C5orf22: variants seen among roughly 807,000 people sequenced by gnomAD.
C5orf22 encodes the protein chromosome 5 open reading frame 22, also known as UPF0489 protein C5orf22.
Under a neutral mutation model 48.7 loss-of-function variants are expected in C5orf22, and 36 were observed. The observed-to-expected ratio is 0.74, with a 90% CI of 0.57 to 0.98. The LOEUF is 0.98. C5orf22 is among the 50% of genes least tolerant of loss of function. The pLI is 0.00. For synonymous variants in C5orf22, 141 were observed against 180.8 expected (o/e 0.78, Z 1.76); for missense variants, 486 against 521.9 (o/e 0.93, Z 0.67).
At chr5:31,551,888 T>C (rs1267640409) in intron 8 of C5orf22, among the ~76,000 whole-genome samples, 1 of 152,210 alleles carries the variant, frequency 6.6e-6, no homozygotes. Flanking sequence ...AGGAAACTAA[T>C]ACAATCTCTG....
rs545760536 is a variant in C5orf22, at chr5:31,542,177, G to T, written c.992+775G>T. On this transcript the variant is annotated intron_variant, in intron 6 of 8. Coordinates refer to ENST00000325366, the MANE Select transcript of C5orf22 (RefSeq NM_018356.3). Reference sequence around the variant, plus strand: ...TTACAATGCAAAAATTTGGCTGGGCGTGGTGGCTCACGCCTGTAATCCCAG... The same window carrying T: ...TTACAATGCAAAAATTTGGCTGGGCTTGGTGGCTCACGCCTGTAATCCCAG... 2.0e-5 allele frequency among the ~76,000 whole-genome samples: 3 copies of T among 152,122 alleles called. No individual in the cohort carries two copies. The East Asian group carries it at 5.8e-4, about 29-fold the overall frequency.
At position 31,553,132 on chromosome 5, in the gene C5orf22, TTAAGTA is replaced by T. The variant is rs1290361843; in HGVS notation, c.*232_*237del. The T allele has an allele frequency of 5.9e-6, 2 of 336,674 alleles. No homozygotes were observed. Among genetic ancestry groups the T allele is most frequent in the Admixed American group, 8.9e-5 (2 of 22,496 alleles). 20.9% of individuals were successfully genotyped at this position (336,674 alleles called of 1,614,324 possible). A position where few individuals can be genotyped will look rare whatever the true frequency, so the allele number is the denominator to read the frequency against. On this transcript the variant is annotated 3_prime_UTR_variant, in exon 9 of 9. Transcript: ENST00000325366. Reference sequence around the variant, plus strand: ...TAGAACTGTTGCTTATCTGTCTTCCTTAAGTATTTTTTAGGGTTTTGTTTTTTTTTT... The same window carrying T: ...TAGAACTGTTGCTTATCTGTCTTCCTTTTTTTAGGGTTTTGTTTTTTTTTT...
At chr5:31,545,019 TCA>T (rs1742765396) in intron 6 of C5orf22, among the ~76,000 whole-genome samples, 2 of 151,178 alleles carry the variant, frequency 1.3e-5, no homozygotes, top group African/African-American at 4.9e-5. Flanking sequence ...CCTTTTTTCA[TCA>T]CAGTGTGCTA....
chr5:31,540,874 C>A, intron 4 of C5orf22, 75 bp from the exon 5 acceptor site: 1 of 1,070,776 alleles, frequency 9.3e-7, no homozygotes, highest in Non-Finnish European at 1.4e-6. Flanking sequence ...AAGGTTGTCT[C>A]TTCCTTAAAG....
At chr5:31,544,195 G>C (rs1198464598) in intron 6 of C5orf22, among the ~76,000 whole-genome samples, 1 of 152,130 alleles carries the variant, frequency 6.6e-6, no homozygotes, top group Non-Finnish European at 1.5e-5. Flanking sequence ...TTTACTCCCA[G>C]CAAATTCGTG....
chr5:31,552,362 G>A (rs1360507684), intron 8 of C5orf22, among the ~76,000 whole-genome samples: 3 of 152,022 alleles, frequency 2.0e-5, no homozygotes, highest in Non-Finnish European at 2.9e-5. Flanking sequence ...GGAAAACCTC[G>A]ACCCTCATCA....
chr5:31,550,769 T>G lies in C5orf22; in HGVS notation c.1060-524T>G, dbSNP rs140977823. Among the ~76,000 whole-genome samples the G allele has an allele frequency of 6.2e-3, 941 of 151,972 alleles. 9 individuals are homozygous for G. The highest frequency in any genetic ancestry group is 9.7e-3 in the Non-Finnish European group (662 of 67,920). On this transcript the variant is annotated intron_variant, in intron 7 of 8. Transcript: ENST00000325366. ...TAGAGACGGGGTTTCTCCATGTTGG[T>G]CAGGCTGGTCTCCAACTCCCGACCT...
In C5orf22 at chr5:31,554,590, G is replaced by T. The variant is rs139267435; in HGVS notation, c.*1688G>T. The T allele has an allele frequency of 6.6e-6, 1 of 152,124 alleles. No homozygotes were observed. Among genetic ancestry groups the T allele is most frequent in the African/African-American group, 2.4e-5 (1 of 41,420 alleles). The allele number at this position is 152,124 out of a possible 1,614,324, so 9.4% of individuals were successfully genotyped here. A position where few individuals can be genotyped will look rare whatever the true frequency, so the allele number is the denominator to read the frequency against. ...CTATTTTTAATTTTTAAAATTTTTG[G>T]TTAGAGCTTATAGACATTACTTTTA... On this transcript the variant is annotated 3_prime_UTR_variant, in exon 9 of 9. Coordinates refer to ENST00000325366, the MANE Select transcript of C5orf22 (RefSeq NM_018356.3).
chr5:31,539,889 A>T (rs552936543), intron 4 of C5orf22, among the ~76,000 whole-genome samples: 69 of 150,824 alleles, frequency 4.6e-4, no homozygotes, highest in Middle Eastern at 6.9e-3. Context: ...TTAAAAAAAA[A>T]TTTTTTTTTT....
chr5:31,540,322 A>T (rs1580444035), intron 4 of C5orf22, among the ~76,000 whole-genome samples: 1 of 152,164 alleles, frequency 6.6e-6, no homozygotes, highest in Non-Finnish European at 1.5e-5. Flanking sequence ...GGCCAGGTGT[A>T]CCCACCTATA....
chr5:31,549,256 A>AT (rs1421133681), intron 7 of C5orf22, among the ~76,000 whole-genome samples: 1 of 152,098 alleles, frequency 6.6e-6, no homozygotes, highest in Non-Finnish European at 1.5e-5. Context: ...AGATCTCCTG[A>AT]TACTCATTCG....
At position 31,535,772 on chromosome 5, in the gene C5orf22, C is replaced by A. The variant is rs1297894822; in HGVS notation, c.256C>A (p.Pro86Thr). The change falls in exon 3 of 9, where the codon CCT becomes ACT. Residue 86 changes from proline (P) to threonine (T), a missense_variant. Pro to Thr is a conservative substitution (Grantham distance 38). Coordinates refer to ENST00000325366, the MANE Select transcript of C5orf22 (RefSeq NM_018356.3). ...GELSIENWIM[P>T]AVYAGHFSHV... ...ATTAAGTATTGAAAATTGGATTATG[C>A]CTGCAGTTTATGCTGGCCATTTTTC... is the stretch of plus-strand genomic sequence containing the variant. 6.2e-7 allele frequency: 1 copy of A among 1,608,824 alleles called. No individual in the cohort carries two copies. The highest frequency in any genetic ancestry group is 8.5e-7 in the Non-Finnish European group (1 of 1,178,088).
intron 3 of C5orf22, among the ~76,000 whole-genome samples, chr5:31,537,373 A>T (rs1561320228): frequency 6.6e-6 from 1 of 152,228 alleles, no homozygotes; most frequent in Non-Finnish European, 1.5e-5. Context: ...GTTATTAAAA[A>T]GAATATTAAT....
Position 31,538,673 on chromosome 5 carries a change from A to G in C5orf22, c.791A>G (p.Lys264Arg), listed in dbSNP as rs762357420. 6.2e-7 allele frequency: 1 copy of G among 1,610,960 alleles called. No individual in the cohort carries two copies. Among genetic ancestry groups the G allele is most frequent in the South Asian group, 1.1e-5 (1 of 90,856 alleles). The change falls in exon 4 of 9, where the codon AAA (lysine) becomes AGA (arginine). Residue 264 changes from lysine (K) to arginine (R), a missense_variant. Lys to Arg is a conservative substitution (Grantham distance 26, BLOSUM62 2). Transcript: ENST00000325366. The stretch of plus-strand genomic sequence containing the variant: ...TTTTTTTCAGTCAAGAATCCCTTCA[A>G]AGAAATGTTCACTCAGGTAAATAAT... ...LDFFSVKNPF[K>R]EMFTQEEYKI...
intron 8 of C5orf22, 116 bp downstream of exon 8, chr5:31,551,548 G>T: frequency 1.3e-6 from 1 of 777,796 alleles, no homozygotes; most frequent in Non-Finnish European, 2.1e-6. Flanking sequence ...ATTAACTCAA[G>T]GATTTTGAGA....
chr5:31,542,277 A>C (rs980416670), intron 6 of C5orf22, among the ~76,000 whole-genome samples: 2 of 151,028 alleles, frequency 1.3e-5, no homozygotes, highest in African/African-American at 2.4e-5. Context: ...GGAGAAACCC[A>C]GTCTCTACTA....
intron 1 of C5orf22, 148 bp from the exon 2 acceptor site, chr5:31,534,124 A>C: frequency 2.9e-6 from 2 of 690,134 alleles, no homozygotes; most frequent in Non-Finnish European, 4.9e-6. Context: ...CACCATCTAC[A>C]GTAAACAAAT....
chr5:31,546,131 AAGAG>A (rs1012547146), intron 7 of C5orf22, among the ~76,000 whole-genome samples: 1 of 152,190 alleles, frequency 6.6e-6, no homozygotes, highest in Non-Finnish European at 1.5e-5. Context: ...ACAAAGAAAA[AAGAG>A]AGAGCTGTGA....
chr5:31,534,379 G>A lies in C5orf22; in HGVS notation c.189G>A (p.Met63Ile), dbSNP rs752975087. 4 of 1,612,860 alleles carry A rather than the reference G, an allele frequency of 2.5e-6. No individual in the cohort carries two copies. Among genetic ancestry groups the A allele is most frequent in the East Asian group, 2.2e-5 (1 of 44,880 alleles). The change falls in exon 2 of 9, where the codon ATG (methionine) becomes ATA (isoleucine). Residue 63 changes from methionine to isoleucine, a missense_variant. By Grantham distance (10) the Met-to-Ile change is conservative (BLOSUM62 1). Transcript: ENST00000325366. ...SHPDLLIPVN[M>I]PADTVFDKET... ...CAGACCTCCTTATTCCTGTGAATATGCCAGCAGACACCGTGTTTGATAAGG... is the reference window on the plus strand; with the variant it reads ...CAGACCTCCTTATTCCTGTGAATATACCAGCAGACACCGTGTTTGATAAGG...
Sources: allele counts gnomAD v4.1 joint callset (sites outside exome capture counted in the v4.1 genomes callset), GRCh38; gene constraint gnomAD v4.1.1; transcripts MANE v1.5; gene names NCBI Gene and HGNC (gene_info 2026-07-23, HGNC 2026-07-21).